GALNS: variants seen among roughly 807,000 people sequenced by gnomAD.
GALNS encodes the protein N-acetylgalactosamine-6-sulfatase.
Under a neutral mutation model 65.9 loss-of-function variants are expected in GALNS, and 65 were observed. The ratio of observed to expected loss-of-function variants is 0.99; its 90% CI spans 0.81 to 1.21. The LOEUF (loss-of-function observed/expected upper bound fraction) is 1.21. GALNS is among the 50% of genes most tolerant of loss of function. The probability of loss-of-function intolerance (pLI) is 0.00; values close to 1 mark genes in which losing one functional copy is unlikely to be tolerated. For synonymous variants in GALNS, 346 were observed against 288.9 expected, an observed-to-expected ratio of 1.20 and a Z score of -2.00; for missense variants, 776 against 700.7, an observed-to-expected ratio of 1.11 and a Z score of -1.21.
chr16:88,841,450 G>A (rs1808587590), intron 3 of GALNS, among the ~76,000 whole-genome samples: 1 of 152,044 alleles, frequency 6.6e-6, no homozygotes. Context: ...ATGCTGCACT[G>A]CCCCACCCCT....
chr16:88,824,765 A>G lies in GALNS; in HGVS notation c.1242+2T>C. The G allele has an allele frequency of 6.2e-7, 1 of 1,612,684 alleles. No homozygotes were observed. The highest frequency in any genetic ancestry group is 8.5e-7 in the Non-Finnish European group (1 of 1,179,542). On this transcript the variant is annotated splice_donor_variant, in intron 11 of 13. Transcript: ENST00000268695. LOFTEE classifies it high-confidence loss of function. The stretch of plus-strand genomic sequence containing the variant: ...CCTGCGCCCACGTCCCGAGCCCTGT[A>G]CCTGTCTGAAGTTCTCCCAGGAGTT...
chr16:88,830,915 G>A (rs886756199), intron 9 of GALNS, among the ~76,000 whole-genome samples: 8 of 152,198 alleles, frequency 5.3e-5, no homozygotes, highest in African/African-American at 1.2e-4. Flanking sequence ...TAGACAGACA[G>A]GTTTTTAAAC....
At chr16:88,824,390 C>A (rs565661208) in intron 11 of GALNS, among the ~76,000 whole-genome samples, 1 of 152,214 alleles carries the variant, frequency 6.6e-6, no homozygotes, top group East Asian at 1.9e-4. Context: ...ATGCTGCGGC[C>A]CCCATGTAGC....
In GALNS at chr16:88,841,890, A is replaced by T. The variant is rs775673055; in HGVS notation, c.319+7T>A. On this transcript the variant is annotated splice_region_variant and intron_variant, in intron 3 of 13. Transcript: ENST00000268695. ...AAGGGTGTCCCTGGAGGCGGTGGGC[A>T]GCCTACCGTTTCTGGCATGGGCGTT... 6.2e-7 allele frequency: 1 copy of T among 1,611,742 alleles called. No individual in the cohort carries two copies. Among genetic ancestry groups the T allele is most frequent in the Non-Finnish European group, 8.5e-7 (1 of 1,179,052 alleles).
chr16:88,821,902 G>A (rs1489378733), intron 12 of GALNS, among the ~76,000 whole-genome samples: 1 of 152,280 alleles, frequency 6.6e-6, no homozygotes, highest in East Asian at 1.9e-4. Flanking sequence ...AGGACCCCCA[G>A]GCCAGGAGCA....
At chr16:88,837,055 A>G (rs1057405289) in intron 5 of GALNS, among the ~76,000 whole-genome samples, 5 of 152,238 alleles carry the variant, frequency 3.3e-5, no homozygotes, top group Non-Finnish European at 7.3e-5. Flanking sequence ...GCTTCTGGTC[A>G]CCGTCATGTA....
chr16:88,816,741 G>C, intron 13 of GALNS: 7 of 985,452 alleles, frequency 7.1e-6, no homozygotes, highest in Non-Finnish European at 8.4e-6. Flanking sequence ...GGCACGGCGG[G>C]CACCCAGCGG....
At chr16:88,839,157 C>T (rs1410285794) in intron 4 of GALNS, among the ~76,000 whole-genome samples, 1 of 151,428 alleles carries the variant, frequency 6.6e-6, no homozygotes, top group Non-Finnish European at 1.5e-5. Flanking sequence ...CGTGCGCCCA[C>T]GTCCGCTGGT....
chr16:88,814,648 C>G (rs1258737767), intron 13 of GALNS, 123 bp from the exon 14 acceptor site: 7 of 1,488,114 alleles, frequency 4.7e-6, no homozygotes, highest in Non-Finnish European at 6.3e-6. Context: ...GGCTGGAGTT[C>G]AGTGGCGCGA....
intron 1 of GALNS, among the ~76,000 whole-genome samples, chr16:88,849,104 G>C (rs1430603702): frequency 6.6e-6 from 1 of 152,046 alleles, no homozygotes; most frequent in Non-Finnish European, 1.5e-5. Flanking sequence ...TTTTAGCTTT[G>C]GATCCCTTTT....
At chr16:88,822,549 G>A (rs571582625) in intron 12 of GALNS, 40 bp downstream of exon 12, 1 of 1,610,944 alleles carries the variant, frequency 6.2e-7, no homozygotes, top group African/African-American at 1.3e-5. Flanking sequence ...GAGTCCGGCT[G>A]GCACTGCCTC....
At chr16:88,854,699 C>T (rs1446646148) in intron 1 of GALNS, among the ~76,000 whole-genome samples, 1 of 152,184 alleles carries the variant, frequency 6.6e-6, no homozygotes, top group Non-Finnish European at 1.5e-5. Flanking sequence ...CCATCACAGG[C>T]TGAGTGAGGA....
At chr16:88,818,275 C>T in intron 12 of GALNS, 151 bp from the exon 13 acceptor site, 1 of 708,530 alleles carries the variant, frequency 1.4e-6, no homozygotes, top group Non-Finnish European at 2.5e-6. Context: ...TGCAGCGGCC[C>T]CGGGCCTCGC....
chr16:88,828,991 GGT>G (rs1911207966), intron 9 of GALNS, among the ~76,000 whole-genome samples: 1 of 110,808 alleles, frequency 9.0e-6, no homozygotes, highest in Non-Finnish European at 1.8e-5. Flanking sequence ...GCGGGTCCCG[GGT>G]CTCACGCCAT....
At chr16:88,856,418 G>C (rs1567550254) in intron 1 of GALNS, 1 of 701,240 alleles carries the variant, frequency 1.4e-6, no homozygotes, top group African/African-American at 1.7e-5. Flanking sequence ...TCAGACGGGG[G>C]AGGCAGGGCC....
In GALNS at chr16:88,843,172, G is replaced by A. The variant is rs756363078; in HGVS notation, c.121-343C>T. Reference sequence around the variant, plus strand: ...GCCTGACACCAGCATCTGCATGCTCGCAGGAGCTGGCCTCTAAACACGTGC... The same window carrying A: ...GCCTGACACCAGCATCTGCATGCTCACAGGAGCTGGCCTCTAAACACGTGC... On this transcript the variant is annotated intron_variant, in intron 1 of 13. Coordinates refer to ENST00000268695, the MANE Select transcript of GALNS (RefSeq NM_000512.5). 2.0e-5 allele frequency: 27 copies of A among 1,383,438 alleles called. 1 individual carries two copies. Among genetic ancestry groups the A allele is most frequent in the Middle Eastern group, 1.9e-4 (1 of 5,238 alleles). The allele number at this position is 1,383,438 out of a possible 1,614,324, so 85.7% of individuals were successfully genotyped here.
chr16:88,847,435 T>C (rs1967300696), intron 1 of GALNS, among the ~76,000 whole-genome samples: 1 of 152,216 alleles, frequency 6.6e-6, no homozygotes, highest in Non-Finnish European at 1.5e-5. Context: ...CCTCCTCCTG[T>C]CACAAGTGGC....
At position 88,822,581 on chromosome 16, in the gene GALNS, C is replaced by G; in HGVS notation, c.1364+8G>C. On this transcript the variant is annotated splice_region_variant and intron_variant, in intron 12 of 13. Transcript: ENST00000268695. ...CCTCAGCAGCCAGGAGGCCCTGCAC[C>G]GACTCACCTGAGGGGGAACCTCTCC... The G allele has an allele frequency of 6.2e-7, 1 of 1,612,114 alleles. No homozygotes were observed. The highest frequency in any genetic ancestry group is 8.5e-7 in the Non-Finnish European group (1 of 1,179,534).
intron 5 of GALNS, among the ~76,000 whole-genome samples, chr16:88,837,158 G>A (rs1427847367): frequency 1.3e-5 from 2 of 152,320 alleles, no homozygotes; most frequent in Middle Eastern, 3.4e-3. Flanking sequence ...CGTGTCAAGA[G>A]GTGCTGCCCC....
Sources: gnomAD v4.1 joint callset for allele counts (sites outside exome capture counted in the v4.1 genomes callset) on GRCh38, gnomAD v4.1.1 for gene constraint, MANE v1.5 for transcripts, NCBI Gene and HGNC (gene_info 2026-07-23, HGNC 2026-07-21) for gene names.